Variants in CNTNAP4 observed in about 807,000 individuals in gnomAD.
The protein encoded by CNTNAP4 is contactin-associated protein-like 4.
Under a neutral mutation model 148.4 loss-of-function variants are expected in CNTNAP4, and 98 were observed. That is an observed-to-expected ratio of 0.66 (90% confidence interval 0.56 to 0.78). CNTNAP4 has a LOEUF of 0.78. CNTNAP4 is among the 30% of genes least tolerant of loss of function. The pLI, the probability that CNTNAP4 is intolerant of heterozygous loss-of-function variation, is 0.00. For missense variants in CNTNAP4, 1,935 were observed against 1,565.6 expected, an observed-to-expected ratio of 1.24 and a Z score of -3.98; for synonymous variants, 730 against 565.1, an observed-to-expected ratio of 1.29 and a Z score of -4.14.
intron 15 of CNTNAP4, among the ~76,000 whole-genome samples, chr16:76,500,705 C>T (rs4459576): frequency 0.84 from 127,105 of 151,416 alleles, 54,218 homozygotes; most frequent in East Asian, 0.97. Context: ...GCATTAACAC[C>T]TTAAACCAGA....
chr16:76,443,506 A>T (rs2080122275), intron 4 of CNTNAP4, among the ~76,000 whole-genome samples: 1 of 152,150 alleles, frequency 6.6e-6, no homozygotes. Context: ...TTGGAGGTTC[A>T]CTTGAGCCTC....
intron 4 of CNTNAP4, among the ~76,000 whole-genome samples, chr16:76,427,832 T>G (rs2079466647): frequency 6.6e-6 from 1 of 152,154 alleles, no homozygotes; most frequent in Non-Finnish European, 1.5e-5. Context: ...AGATACATAT[T>G]TACTGATACA....
intron 7 of CNTNAP4, among the ~76,000 whole-genome samples, chr16:76,451,623 G>GTGTGTGTT (rs1156794177): frequency 7.3e-5 from 11 of 151,668 alleles, no homozygotes; most frequent in African/African-American, 2.7e-4. Context: ...GTGTGTGTGT[G>GTGTGTGTT]TGTGTGTGTG....
rs192228209 is a variant in CNTNAP4 at position 76,438,401 on chromosome 16, A to C, written c.539-9611A>C. On this transcript the variant is annotated intron_variant, in intron 4 of 23. Transcript: ENST00000611870. ...CCTGCCAATTTAGAGGAATTTGTTA[A>C]ACACCTTGGAGTTTTACTGAAATGC... Among the ~76,000 whole-genome samples the C allele has an allele frequency of 2.0e-3, 310 of 152,300 alleles. 1 individual carries two copies. The highest frequency in any genetic ancestry group is 6.8e-3 in the African/African-American group (284 of 41,582).
intron 2 of CNTNAP4, 42 bp from the exon 3 acceptor site, chr16:76,355,275 CT>C (rs770673144): frequency 2.8e-5 from 40 of 1,421,568 alleles, no homozygotes; most frequent in Non-Finnish European, 3.4e-5. Flanking sequence ...TTTTAACTAA[CT>C]TTCCTTTCTC....
intron 3 of CNTNAP4, among the ~76,000 whole-genome samples, chr16:76,414,002 A>T (rs2078893929): frequency 6.6e-6 from 1 of 151,294 alleles, no homozygotes; most frequent in Non-Finnish European, 1.5e-5. Context: ...ACCTATAAAT[A>T]AAGGCAGTTT....
intron 3 of CNTNAP4, among the ~76,000 whole-genome samples, chr16:76,415,018 C>T (rs560304670): frequency 4.6e-5 from 7 of 150,698 alleles, no homozygotes; most frequent in Admixed American, 2.0e-4. Flanking sequence ...GGAATAATAC[C>T]TCTTGTAGAA....
At chr16:76,441,337 A>G (rs1476724982) in intron 4 of CNTNAP4, among the ~76,000 whole-genome samples, 1 of 152,200 alleles carries the variant, frequency 6.6e-6, no homozygotes, top group Non-Finnish European at 1.5e-5. Flanking sequence ...ACTACATCTG[A>G]CACAACTCCC....
chr16:76,386,207 A>G (rs147533121), intron 3 of CNTNAP4, among the ~76,000 whole-genome samples: 1 of 152,224 alleles, frequency 6.6e-6, no homozygotes, highest in Non-Finnish European at 1.5e-5. Context: ...ATAATGAGAA[A>G]GAACTGTAAT....
At chr16:76,517,895 A>G (rs899821093) in intron 15 of CNTNAP4, among the ~76,000 whole-genome samples, 1 of 152,160 alleles carries the variant, frequency 6.6e-6, no homozygotes, top group Non-Finnish European at 1.5e-5. Context: ...TTTTTTTAAA[A>G]AAGGAATTCT....
intron 15 of CNTNAP4, among the ~76,000 whole-genome samples, chr16:76,510,636 A>G (rs2143992943): frequency 6.6e-6 from 1 of 152,240 alleles, no homozygotes; most frequent in East Asian, 1.9e-4. Context: ...TGAGGAATGC[A>G]GTTGTCTCGT....
intron 1 of CNTNAP4, among the ~76,000 whole-genome samples, chr16:76,280,789 C>T (rs1318204678): frequency 6.6e-6 from 1 of 152,086 alleles, no homozygotes; most frequent in African/African-American, 2.4e-5. Flanking sequence ...GCATTAAGAA[C>T]AGAGACATTT....
At chr16:76,285,089 A>G (rs1399704899) in intron 1 of CNTNAP4, among the ~76,000 whole-genome samples, 1 of 152,078 alleles carries the variant, frequency 6.6e-6, no homozygotes, top group African/African-American at 2.4e-5. Flanking sequence ...ACGCATTACA[A>G]GTTATCATTA....
intron 17 of CNTNAP4, among the ~76,000 whole-genome samples, chr16:76,532,198 A>G (rs1238169429): frequency 6.6e-6 from 1 of 152,226 alleles, no homozygotes; most frequent in African/African-American, 2.4e-5. Context: ...CAATCCAAAG[A>G]TGAGCTGATG....
Position 76,467,465 on chromosome 16 carries a change from C to T in CNTNAP4, c.1597C>T (p.Gln533Ter). 6.2e-7 allele frequency: 1 copy of T among 1,613,840 alleles called. No homozygotes were observed. The highest frequency in any genetic ancestry group is 8.5e-7 in the Non-Finnish European group (1 of 1,179,840). Residue 533 changes from glutamine to a stop codon, truncating the protein, a stop_gained, in exon 10 of 24, where the codon CAG (glutamine) becomes TAG (stop). Coordinates refer to ENST00000611870, the MANE Select transcript of CNTNAP4 (RefSeq NM_033401.5). LOFTEE classifies it high-confidence loss of function. ...AGTGGTAGATCTGATTTCAGTTCAGCAGGGGTCCCTTGGGAACTTCAGTGA... is the reference window on the plus strand; with the variant it reads ...AGTGGTAGATCTGATTTCAGTTCAGTAGGGGTCCCTTGGGAACTTCAGTGA... Reference protein sequence around the residue: ...GKVVDLISVQQGSLGNFSDLQ... With the variant: ...GKVVDLISVQ
At chr16:76,365,751 CAAA>C (rs35586454) in intron 3 of CNTNAP4, among the ~76,000 whole-genome samples, 68 of 100,052 alleles carry the variant, frequency 6.8e-4, no homozygotes, top group African/African-American at 2.6e-3. Context: ...GACTCCGTCT[CAAA>C]AAAAAAAAAA....
At chr16:76,474,766 T>C (rs1437988075) in intron 10 of CNTNAP4, among the ~76,000 whole-genome samples, 1 of 152,178 alleles carries the variant, frequency 6.6e-6, no homozygotes, top group African/African-American at 2.4e-5. Context: ...TGTGTCTCAG[T>C]AATTTTGACT....
chr16:76,549,634 G>GT (rs1412034571), intron 21 of CNTNAP4, among the ~76,000 whole-genome samples: 2 of 149,576 alleles, frequency 1.3e-5, no homozygotes, highest in Admixed American at 1.3e-4. Flanking sequence ...TTCTCATAAA[G>GT]CAAAAAAAAG....
chr16:76,529,746 G>A (rs939369271), intron 17 of CNTNAP4, among the ~76,000 whole-genome samples: 1 of 151,900 alleles, frequency 6.6e-6, no homozygotes, highest in South Asian at 2.1e-4. Flanking sequence ...AATATTTATC[G>A]ACTTTTTAGA....
Sources: gnomAD v4.1 joint callset for allele counts (sites outside exome capture counted in the v4.1 genomes callset) on GRCh38, gnomAD v4.1.1 for gene constraint, MANE v1.5 for transcripts, NCBI Gene and HGNC (gene_info 2026-07-23, HGNC 2026-07-21) for gene names.